Variants in SGO2 observed in about 807,000 individuals in gnomAD.
SGO2 encodes the protein shugoshin 2, also known as shugoshin-like 2.
Under a neutral mutation model 99.5 loss-of-function variants are expected in SGO2, and 68 were observed. That is an observed-to-expected ratio of 0.68 (90% CI 0.56 to 0.84). The LOEUF (loss-of-function observed/expected upper bound fraction) is 0.84, where lower values mean the gene tolerates loss of function less well. SGO2 is among the 40% of genes least tolerant of loss of function. The pLI, the probability that SGO2 is intolerant of heterozygous loss-of-function variation, is 0.00. For missense variants in SGO2, 1,350 were observed against 1,436.7 expected (o/e 0.94, Z 0.97); for synonymous variants, 457 against 487.1 (o/e 0.94, Z 0.81).
chr2:200,579,379 A>T (rs112736137), intron 8 of SGO2, among the ~76,000 whole-genome samples: 1 of 152,192 alleles, frequency 6.6e-6, no homozygotes, highest in East Asian at 1.9e-4. Context: ...TTGGCTAATA[A>T]CTCAGGTACA....
At chr2:200,532,265 G>GATTTTGTT (rs2031426174) in intron 1 of SGO2, 1 of 443,800 alleles carries the variant, frequency 2.3e-6, no homozygotes, top group African/African-American at 3.2e-5. Context: ...AGGTGACAGA[G>GATTTTGTT]TTTTTTGTTT....
At chr2:200,568,419 A>G (rs988698337) in intron 5 of SGO2, among the ~76,000 whole-genome samples, 7 of 152,196 alleles carry the variant, frequency 4.6e-5, no homozygotes, top group Non-Finnish European at 8.8e-5. Flanking sequence ...TGATGTTTCA[A>G]TTTTAATAGG....
At position 200,570,478 on chromosome 2, in the gene SGO2, A is replaced by ATTGTGTG. The variant is rs1553562331; in HGVS notation, c.704-571_704-570insTGTGTGT. ...TTAGAATTGTTTTTCCTTTCTGAAA[A>ATTGTGTG]TGTGTGTGTGTGTGTGTGTGTGTGT... On this transcript the variant is annotated intron_variant, in intron 6 of 8. Transcript: ENST00000357799. This position sits in a 1 kb window ranked among gnomAD's most constrained non-coding sequence, Gnocchi z 4.4. 7.0e-6 allele frequency among the ~76,000 whole-genome samples: 1 copy of ATTGTGTG among 142,762 alleles called. No homozygotes were observed. The highest frequency in any genetic ancestry group is 2.6e-5 in the African/African-American group (1 of 38,508). The allele number at this position is 142,762 out of a possible 152,430, so 93.7% of individuals were successfully genotyped here.
intron 1 of SGO2, among the ~76,000 whole-genome samples, chr2:200,532,727 T>C (rs6744111): frequency 0.032 from 4,855 of 152,182 alleles, 243 homozygotes; most frequent in African/African-American, 0.11. Context: ...TCCTGTCATC[T>C]TTCCCCTGCA....
At chr2:200,567,537 T>C (rs1474082292) in intron 5 of SGO2, among the ~76,000 whole-genome samples, 2 of 152,202 alleles carry the variant, frequency 1.3e-5, no homozygotes, top group Non-Finnish European at 2.9e-5. Flanking sequence ...TCACAAAGCT[T>C]TGAATCTTCA....
intron 5 of SGO2, among the ~76,000 whole-genome samples, chr2:200,560,365 T>G (rs967781586): frequency 3.3e-5 from 5 of 152,286 alleles, no homozygotes; most frequent in Non-Finnish European, 7.4e-5. Context: ...AAATGCTATA[T>G]AAGTGAATCA....
At chr2:200,530,411 A>G (rs777446255) in intron 1 of SGO2, among the ~76,000 whole-genome samples, 5 of 152,226 alleles carry the variant, frequency 3.3e-5, no homozygotes, top group Non-Finnish European at 7.3e-5. Context: ...TGGACAAGTT[A>G]AATTTGATGC....
At chr2:200,576,729 C>G (rs1055358712) in intron 8 of SGO2, among the ~76,000 whole-genome samples, 5 of 152,168 alleles carry the variant, frequency 3.3e-5, no homozygotes, top group African/African-American at 1.2e-4. Flanking sequence ...TCTAGGCAAC[C>G]ACTAATCAAC....
chr2:200,567,804 A>G (rs2033246103), intron 5 of SGO2, among the ~76,000 whole-genome samples: 1 of 152,178 alleles, frequency 6.6e-6, no homozygotes, highest in South Asian at 2.1e-4. Flanking sequence ...CTTTTTATGG[A>G]GAGACAATAA....
At chr2:200,566,207 T>A (rs1428391508) in intron 5 of SGO2, among the ~76,000 whole-genome samples, 5 of 152,214 alleles carry the variant, frequency 3.3e-5, no homozygotes, top group Non-Finnish European at 1.5e-5. Context: ...TGGTTTTATC[T>A]GCCTTTGGTG....
chr2:200,576,227 CTTT>C, intron 8 of SGO2: 1 of 115,504 alleles, frequency 8.7e-6, no homozygotes, highest in Non-Finnish European at 2.0e-5. Flanking sequence ...TTTTTTTTTT[CTTT>C]TTTCTTTTTT....
Position 200,572,366 on chromosome 2 carries a change from A to G in SGO2, c.2020A>G (p.Thr674Ala), listed in dbSNP as rs752528078. The change falls in exon 7 of 9, where the codon ACT becomes GCT. Residue 674 changes from threonine to alanine, a missense_variant. Transcript: ENST00000357799. ...SKELQIPALSTRDNENQCDYR... is the reference protein window; with the variant it reads ...SKELQIPALSARDNENQCDYR... ...AGAGCTTCAAATCCCAGCTCTTTCT[A>G]CTAGAGATAATGAAAATCAATGTGA... is the stretch of plus-strand genomic sequence containing the variant. The G allele has an allele frequency of 6.8e-6, 11 of 1,613,102 alleles. No homozygotes were observed. The Admixed American group carries it at 1.0e-4, about 15-fold the overall frequency.
chr2:200,572,480 C>T lies in SGO2; in HGVS notation c.2134C>T (p.Leu712Phe), dbSNP rs1033349764. The T allele has an allele frequency of 1.2e-6, 2 of 1,612,990 alleles. No individual in the cohort carries two copies. Among genetic ancestry groups the T allele is most frequent in the Non-Finnish European group, 1.7e-6 (2 of 1,179,386 alleles). ...QQNESKVNKK[L>F]RQKVNRKTEI... ...AAATGAATCAAAAGTTAATAAGAAG[C>T]TTAGGCAGAAAGTAAATCGGAAGAC... The change falls in exon 7 of 9, where the codon CTT (leucine) becomes TTT (phenylalanine). Residue 712 changes from leucine to phenylalanine, a missense_variant. By Grantham distance (22) the Leu-to-Phe change is conservative. Transcript: ENST00000357799.
At chr2:200,533,623 G>C (rs749807975) in intron 2 of SGO2, among the ~76,000 whole-genome samples, 4 of 150,908 alleles carry the variant, frequency 2.7e-5, no homozygotes, top group Non-Finnish European at 5.9e-5. Flanking sequence ...GAATTCTGGA[G>C]TTAAGGCATC....
At chr2:200,550,828 A>T (rs536568232) in intron 5 of SGO2, among the ~76,000 whole-genome samples, 66 of 152,244 alleles carry the variant, frequency 4.3e-4, no homozygotes, top group African/African-American at 1.6e-3. Context: ...GCAAAAATAG[A>T]CAACTAAGAT....
At chr2:200,534,215 A>C (rs184057537) in intron 2 of SGO2, among the ~76,000 whole-genome samples, 329 of 152,324 alleles carry the variant, frequency 2.2e-3, no homozygotes, top group Non-Finnish European at 3.7e-3. Context: ...ATGTAAGTTA[A>C]AATTATGAAA....
chr2:200,569,419 T>C (rs1328846958), intron 5 of SGO2, among the ~76,000 whole-genome samples: 1 of 152,096 alleles, frequency 6.6e-6, no homozygotes, highest in Non-Finnish European at 1.5e-5. Context: ...AAGAAGTAAA[T>C]ATATAAATTA....
At chr2:200,541,466 C>G (rs1377967505) in intron 4 of SGO2, among the ~76,000 whole-genome samples, 2 of 152,186 alleles carry the variant, frequency 1.3e-5, no homozygotes, top group Non-Finnish European at 2.9e-5. Flanking sequence ...CTGGCCTAAA[C>G]CTTCCCCTCA....
rs753304370 is a variant in SGO2, at chr2:200,571,281, A to T, written c.935A>T (p.Asn312Ile). ...GAATTAAATTGCAATAATGAGATAA[A>T]TGGTCATACTAATGAAACAAATACT... ...SPELNCNNEINGHTNETNTEM... is the reference protein window; with the variant it reads ...SPELNCNNEIIGHTNETNTEM... The change falls in exon 7 of 9, where the codon AAT becomes ATT. Residue 312 changes from asparagine to isoleucine, a missense_variant. By Grantham distance (149) the Asn-to-Ile change is moderately radical. Coordinates refer to ENST00000357799, the MANE Select transcript of SGO2 (RefSeq NM_152524.6). The T allele has an allele frequency of 1.2e-6, 2 of 1,613,276 alleles. No individual in the cohort carries two copies. Among genetic ancestry groups the T allele is most frequent in the South Asian group, 2.2e-5 (2 of 91,038 alleles).
Sources: allele counts gnomAD v4.1 joint callset (sites outside exome capture counted in the v4.1 genomes callset), GRCh38; gene constraint gnomAD v4.1.1; non-coding constraint Gnocchi (gnomAD v3.1); transcripts MANE v1.5; gene names NCBI Gene and HGNC (gene_info 2026-07-23, HGNC 2026-07-21).